Variants in ENOX1 observed in about 807,000 individuals in gnomAD.
The protein encoded by ENOX1 is ecto-NOX disulfide-thiol exchanger 1.
In ENOX1, 42 loss-of-function variants were observed where a neutral mutation model predicts 82.5. That is an observed-to-expected ratio of 0.51 (90% CI 0.40 to 0.66). The LOEUF (loss-of-function observed/expected upper bound fraction) is 0.66, where lower values mean the gene tolerates loss of function less well. Among genes scored for constraint, ENOX1 ranks in the 30% least tolerant of loss-of-function variants. ENOX1 has a pLI of 0.00. For synonymous variants in ENOX1, 271 were observed against 282.2 expected, an observed-to-expected ratio of 0.96 and a Z score of 0.40; for missense variants, 608 against 811.6, an observed-to-expected ratio of 0.75 and a Z score of 3.05.
rs146299036 is a variant in ENOX1, at chr13:43,280,556, T to C, written c.1447-10979A>G. Reference sequence around the variant, plus strand: ...CTTAATGGTGAGAGTTGCAATGATCTAGCCTGTTTTGCAGATCAGTGAAGA... The same window carrying C: ...CTTAATGGTGAGAGTTGCAATGATCCAGCCTGTTTTGCAGATCAGTGAAGA... On this transcript the variant is annotated intron_variant, in intron 12 of 16. Transcript: ENST00000690772. Among the ~76,000 whole-genome samples the C allele has an allele frequency of 1.5e-3, 229 of 152,374 alleles. 1 individual carries two copies. The highest frequency in any genetic ancestry group is 6.8e-3 in the Middle Eastern group (2 of 294).
In ENOX1 at chr13:43,705,322, C is replaced by CTATA. The variant is rs1484111358; in HGVS notation, c.-284-37779_-284-37778insTATA. Among the ~76,000 whole-genome samples the CTATA allele has an allele frequency of 6.2e-4, 17 of 27,474 alleles. No individual in the cohort carries two copies. The Admixed American group carries it at 7.8e-3, about 13-fold the overall frequency. 18.0% of individuals were successfully genotyped at this position (27,474 alleles called of 152,430 possible). A position where few individuals can be genotyped will look rare whatever the true frequency, so the allele number is the denominator to read the frequency against. On this transcript the variant is annotated intron_variant, in intron 1 of 16. Coordinates refer to ENST00000690772, the MANE Select transcript of ENOX1 (RefSeq NM_001347969.2). Reference sequence around the variant, plus strand: ...AAACAACAACTCTCTCTCTCTCTCTCTCTCTCTCTATATATATATATATTT... The same window carrying CTATA: ...AAACAACAACTCTCTCTCTCTCTCTCTATATCTCTCTCTATATATATATATATTT...
At position 43,470,307 on chromosome 13, in the gene ENOX1, C is replaced by CATATATATATACACGTATATATACGT. The variant is rs35765969; in HGVS notation, c.-75+13701_-75+13702insACGTATATATACGTGTATATATATAT. On this transcript the variant is annotated intron_variant, in intron 3 of 16. Transcript: ENST00000690772. ...ACATATATATATACACATATATATA[C>CATATATATATACACGTATATATACGT]ATATATATACACATATATATATGTA... Among the ~76,000 whole-genome samples, 2 of 42,492 alleles carry CATATATATATACACGTATATATACGT rather than the reference C, an allele frequency of 4.7e-5. 1 individual carries two copies. The highest frequency in any genetic ancestry group is 1.4e-4 in the African/African-American group (2 of 14,584). 27.9% of individuals were successfully genotyped at this position (42,492 alleles called of 152,430 possible).
chr13:43,601,072 C>G (rs191980983), intron 2 of ENOX1, among the ~76,000 whole-genome samples: 6 of 152,196 alleles, frequency 3.9e-5, no homozygotes, highest in Admixed American at 3.3e-4. Flanking sequence ...CGGGTACAAA[C>G]AAGCCCAGAC....
At chr13:43,264,302 A>T (rs1207260926) in intron 14 of ENOX1, among the ~76,000 whole-genome samples, 9 of 152,220 alleles carry the variant, frequency 5.9e-5, no homozygotes, top group Non-Finnish European at 1.5e-5. Context: ...AACTTCCTGT[A>T]CACTTATCAT....
intron 5 of ENOX1, among the ~76,000 whole-genome samples, chr13:43,400,235 A>T (rs1486649345): frequency 6.6e-6 from 1 of 151,902 alleles, no homozygotes; most frequent in Non-Finnish European, 1.5e-5. Context: ...CCCCAGTGAA[A>T]CCTTCAAGGG....
At chr13:43,298,247 T>A in intron 12 of ENOX1, 99 bp downstream of exon 12, 1 of 1,269,408 alleles carries the variant, frequency 7.9e-7, no homozygotes, top group Non-Finnish European at 1.1e-6. Flanking sequence ...TTGTCATTTC[T>A]TCTCCTTCAC....
rs2049115760 is a variant in ENOX1 at position 43,342,353 on chromosome 13, G to A, written c.1036+2185C>T. On this transcript the variant is annotated intron_variant, in intron 9 of 16. Transcript: ENST00000690772. The stretch of plus-strand genomic sequence containing the variant: ...TCTTGATGACCTAGAAGTCAGTTGT[G>A]GTGGTGGGAGATGGCAGATATATAA... 2.0e-5 allele frequency among the ~76,000 whole-genome samples: 3 copies of A among 152,096 alleles called. No individual in the cohort carries two copies. The South Asian group carries it at 6.2e-4, about 32-fold the overall frequency.
At chr13:43,214,421 G>A (rs1198132726) in intron 16 of ENOX1, among the ~76,000 whole-genome samples, 1 of 152,108 alleles carries the variant, frequency 6.6e-6, no homozygotes, top group Non-Finnish European at 1.5e-5. Flanking sequence ...GATATAAAAG[G>A]AGATGGGGAG....
chr13:43,331,048 G>T (rs1002399583), intron 9 of ENOX1, among the ~76,000 whole-genome samples: 1 of 152,170 alleles, frequency 6.6e-6, no homozygotes, highest in Non-Finnish European at 1.5e-5. Context: ...GGGAGGGAAA[G>T]CTCAGAACAG....
chr13:43,640,326 C>T (rs139251113), intron 2 of ENOX1, among the ~76,000 whole-genome samples: 1,871 of 152,214 alleles, frequency 0.012, 19 homozygotes, highest in Non-Finnish European at 0.019. Flanking sequence ...ATGCTTTTTT[C>T]ACATTTGAAC....
At chr13:43,679,160 A>G (rs1262844941) in intron 1 of ENOX1, among the ~76,000 whole-genome samples, 8 of 152,196 alleles carry the variant, frequency 5.3e-5, no homozygotes, top group African/African-American at 1.9e-4. Context: ...CTCAGTTATC[A>G]ACATGAACTT....
intron 1 of ENOX1, among the ~76,000 whole-genome samples, chr13:43,713,160 A>G (rs2087854431): frequency 6.6e-6 from 1 of 152,254 alleles, no homozygotes; most frequent in South Asian, 2.1e-4. Context: ...TTCTGCATCT[A>G]TTGAGATAAT....
intron 2 of ENOX1, among the ~76,000 whole-genome samples, chr13:43,566,724 T>A (rs2079937172): frequency 6.6e-6 from 1 of 151,986 alleles, no homozygotes; most frequent in Admixed American, 6.6e-5. Flanking sequence ...GATGAATGAT[T>A]GTAAGATATT....
chr13:43,575,090 T>A (rs1471020569), intron 2 of ENOX1, among the ~76,000 whole-genome samples: 1 of 152,194 alleles, frequency 6.6e-6, no homozygotes, highest in African/African-American at 2.4e-5. Flanking sequence ...AAAGAACATT[T>A]TAGATCTTGG....
At chr13:43,750,836 C>G (rs1018093779) in intron 1 of ENOX1, among the ~76,000 whole-genome samples, 3 of 152,204 alleles carry the variant, frequency 2.0e-5, no homozygotes, top group Non-Finnish European at 4.4e-5. Context: ...AGAACCTTTA[C>G]TGGTTGGAAA....
Position 43,355,906 on chromosome 13 carries a change from G to A in ENOX1, c.823+13C>T. On this transcript the variant is annotated intron_variant, in intron 8 of 16. Coordinates refer to ENST00000690772, the MANE Select transcript of ENOX1 (RefSeq NM_001347969.2). ...CCTGTGGAGGAAGAAAAGCCAGCGT[G>A]GGTGGCCCATACCTTTCAGCTTTTC... The A allele has an allele frequency of 1.2e-6, 2 of 1,603,344 alleles. No individual in the cohort carries two copies. Among genetic ancestry groups the A allele is most frequent in the Non-Finnish European group, 1.7e-6 (2 of 1,173,350 alleles).
At chr13:43,689,651 G>C (rs2086254416) in intron 1 of ENOX1, among the ~76,000 whole-genome samples, 1 of 152,138 alleles carries the variant, frequency 6.6e-6, no homozygotes, top group African/African-American at 2.4e-5. Flanking sequence ...TTACTTTTGT[G>C]TCCATAAATC....
At chr13:43,723,787 A>G (rs1034792407) in intron 1 of ENOX1, among the ~76,000 whole-genome samples, 2 of 152,122 alleles carry the variant, frequency 1.3e-5, no homozygotes, top group African/African-American at 4.8e-5. Context: ...ACACACACAC[A>G]CACACATACA....
chr13:43,495,753 A>G (rs1370559560), intron 2 of ENOX1, among the ~76,000 whole-genome samples: 1 of 140,378 alleles, frequency 7.1e-6, no homozygotes, highest in Non-Finnish European at 1.6e-5. Flanking sequence ...AGGAACCACT[A>G]GTTTTCAAAA....
Sources: gnomAD v4.1 joint callset for allele counts (sites outside exome capture counted in the v4.1 genomes callset) on GRCh38, gnomAD v4.1.1 for gene constraint, MANE v1.5 for transcripts, NCBI Gene and HGNC (gene_info 2026-07-23, HGNC 2026-07-21) for gene names.